Variants in ALK observed in about 807,000 individuals in gnomAD.
ALK encodes the protein ALK receptor tyrosine kinase, also known as ALK tyrosine kinase receptor.
Under a neutral mutation model 163.1 loss-of-function variants are expected in ALK, and 74 were observed. The observed-to-expected ratio is 0.45, with a 90% CI of 0.38 to 0.55. The LOEUF (loss-of-function observed/expected upper bound fraction) is 0.55, where lower values mean the gene tolerates loss of function less well. Among genes scored for constraint, ALK ranks in the 20% least tolerant of loss-of-function variants. The pLI, the probability that ALK is intolerant of heterozygous loss-of-function variation, is 0.00. For synonymous variants in ALK, 960 were observed against 843.2 expected (o/e 1.14, Z -2.40); for missense variants, 2,063 against 2,105.3 (o/e 0.98, Z 0.39).
chr2:29,876,309 G>GTGGTGA (rs1352000812), intron 1 of ALK, among the ~76,000 whole-genome samples: 1 of 145,482 alleles, frequency 6.9e-6, no homozygotes, highest in East Asian at 1.9e-4. Flanking sequence ...GATGACAGTG[G>GTGGTGA]TGGTGATGGT....
At chr2:29,505,629 G>A (rs989507923) in intron 4 of ALK, among the ~76,000 whole-genome samples, 3 of 151,964 alleles carry the variant, frequency 2.0e-5, no homozygotes, top group Admixed American at 6.6e-5. Flanking sequence ...GTTGTCCCAG[G>A]CCCTGTTTAC....
At chr2:29,418,774 T>C (rs556533646) in intron 4 of ALK, among the ~76,000 whole-genome samples, 89 of 152,348 alleles carry the variant, frequency 5.8e-4, no homozygotes, top group African/African-American at 2.1e-3. Context: ...TTTTAAATTA[T>C]GCTACTAAGA....
At position 29,193,503 on chromosome 2, in the gene ALK, G is replaced by C. The variant is rs746470148; in HGVS notation, c.4584C>G (p.His1528Gln). Reference sequence around the variant, plus strand: ...CCTCCAGCCCCAGGTTACCCCTGTCGTGTGGCTCCTTCTTTGCTATAGGAT... The same window carrying C: ...CCTCCAGCCCCAGGTTACCCCTGTCCTGTGGCTCCTTCTTTGCTATAGGAT... ...KNNPIAKKEP[H>Q]DRGNLGLEGS... The change falls in exon 29 of 29, where the codon CAC (histidine) becomes CAG (glutamine). Residue 1528 changes from histidine (H) to glutamine (Q), a missense_variant. His to Gln is a conservative substitution (Grantham distance 24, BLOSUM62 0). Transcript: ENST00000389048. 1 of 1,614,170 alleles carries C rather than the reference G, an allele frequency of 6.2e-7. No individual in the cohort carries two copies. Among genetic ancestry groups the C allele is most frequent in the Non-Finnish European group, 8.5e-7 (1 of 1,180,018 alleles).
chr2:29,516,785 T>C (rs899854978), intron 4 of ALK, among the ~76,000 whole-genome samples: 4 of 152,202 alleles, frequency 2.6e-5, no homozygotes, highest in African/African-American at 9.6e-5. Flanking sequence ...TTTAGAACAA[T>C]GTCCAGCATA....
At chr2:29,338,039 G>A (rs1381762659) in intron 5 of ALK, among the ~76,000 whole-genome samples, 4 of 152,032 alleles carry the variant, frequency 2.6e-5, no homozygotes, top group Non-Finnish European at 2.9e-5. Context: ...TCTTATTATG[G>A]GCTAACTTCA....
intron 4 of ALK, among the ~76,000 whole-genome samples, chr2:29,385,349 T>C (rs1256409946): frequency 6.7e-6 from 1 of 150,316 alleles, no homozygotes; most frequent in Non-Finnish European, 1.5e-5. Context: ...GCAATAACCA[T>C]AGTCACCACC....
chr2:29,488,394 C>T (rs1365052016), intron 4 of ALK, among the ~76,000 whole-genome samples: 1 of 152,122 alleles, frequency 6.6e-6, no homozygotes, highest in East Asian at 1.9e-4. Flanking sequence ...ACACTGGTGA[C>T]TCACCAGCTC....
chr2:29,196,892 G>T (rs2148142054), intron 27 of ALK, 32 bp from the exon 28 acceptor site: 1 of 1,527,354 alleles, frequency 6.5e-7, no homozygotes. Flanking sequence ...TTAAAATAAG[G>T]AGAAGCACAA....
intron 2 of ALK, among the ~76,000 whole-genome samples, chr2:29,701,524 C>T (rs970345347): frequency 2.6e-5 from 4 of 152,106 alleles, no homozygotes; most frequent in African/African-American, 7.2e-5. Flanking sequence ...GAGAAGAATG[C>T]CATGCCCATC....
intron 1 of ALK, among the ~76,000 whole-genome samples, chr2:29,863,174 T>G (rs886208772): frequency 2.0e-5 from 3 of 152,012 alleles, no homozygotes; most frequent in African/African-American, 7.3e-5. Context: ...GAAGAAAACA[T>G]AGAGGAAAAG....
chr2:29,742,167 T>C (rs1049183320), intron 1 of ALK, among the ~76,000 whole-genome samples: 4 of 152,224 alleles, frequency 2.6e-5, no homozygotes, highest in Admixed American at 2.6e-4. Flanking sequence ...GAGGTTCATC[T>C]TGTCCAAGGC....
rs1664040243 is a variant in ALK at position 29,227,487 on chromosome 2, T to C, written c.2914+87A>G. The C allele has an allele frequency of 7.7e-6, 9 of 1,173,406 alleles. No homozygotes were observed. In the Admixed American group the frequency reaches 1.5e-4, roughly 20 times the overall value. 72.7% of individuals were successfully genotyped at this position (1,173,406 alleles called of 1,614,324 possible). A position where few individuals can be genotyped will look rare whatever the true frequency, so the allele number is the denominator to read the frequency against. On this transcript the variant is annotated intron_variant, in intron 17 of 28. Transcript: ENST00000389048. The surrounding 1 kb of genome is among the most constrained non-coding windows in gnomAD (Gnocchi z 4.4). ...GACCCATAATTGTGCCTCTGTATCC[T>C]GGATACAGGTCAGAGACTCTGAGGT...
chr2:29,210,335 C>T (rs573836842), intron 24 of ALK, among the ~76,000 whole-genome samples: 19 of 152,288 alleles, frequency 1.2e-4, no homozygotes, highest in South Asian at 1.2e-3. Context: ...GTACAAACCA[C>T]GGGCTGGTTT....
chr2:29,534,492 T>A (rs1448435783), intron 3 of ALK, among the ~76,000 whole-genome samples: 1 of 152,076 alleles, frequency 6.6e-6, no homozygotes, highest in Admixed American at 6.5e-5. Flanking sequence ...ATGAAGACAG[T>A]CCCATGTCCA....
At chr2:29,460,647 A>C (rs147639377) in intron 4 of ALK, among the ~76,000 whole-genome samples, 90 of 152,268 alleles carry the variant, frequency 5.9e-4, no homozygotes, top group Non-Finnish European at 1.2e-4. Context: ...CCACGCCAAA[A>C]TAAAACAGTG....
At chr2:29,876,656 CGAT>C (rs894847348) in intron 1 of ALK, among the ~76,000 whole-genome samples, 2 of 133,948 alleles carry the variant, frequency 1.5e-5, no homozygotes, top group African/African-American at 5.9e-5. Context: ...ATGGTGACGG[CGAT>C]GGTGGTGATG....
intron 1 of ALK, among the ~76,000 whole-genome samples, chr2:29,831,493 T>A (rs1223167079): frequency 6.6e-6 from 1 of 152,106 alleles, no homozygotes; most frequent in Non-Finnish European, 1.5e-5. Context: ...TAGTTCCTGA[T>A]CAGCTCCTCT....
At chr2:29,457,536 G>A (rs1423159601) in intron 4 of ALK, among the ~76,000 whole-genome samples, 1 of 152,120 alleles carries the variant, frequency 6.6e-6, no homozygotes, top group African/African-American at 2.4e-5. Flanking sequence ...GAGCCCAGGT[G>A]AGGCCCTGAA....
At chr2:29,734,848 C>A (rs886170062) in intron 1 of ALK, among the ~76,000 whole-genome samples, 3 of 151,812 alleles carry the variant, frequency 2.0e-5, no homozygotes, top group African/African-American at 7.3e-5. Flanking sequence ...AATTTAAATA[C>A]AATTTAAAAT....
Sources: allele counts gnomAD v4.1 joint callset (sites outside exome capture counted in the v4.1 genomes callset), GRCh38; gene constraint gnomAD v4.1.1; non-coding constraint Gnocchi (gnomAD v3.1); transcripts MANE v1.5; gene names NCBI Gene and HGNC (gene_info 2026-07-23, HGNC 2026-07-21).